Variants in NEIL3 observed in about 807,000 individuals in gnomAD.
NEIL3 encodes endonuclease 8-like 3.
Under a neutral mutation model 57.5 loss-of-function variants are expected in NEIL3, and 48 were observed. The ratio of observed to expected loss-of-function variants is 0.83; its 90% CI spans 0.66 to 1.06. NEIL3 has a LOEUF of 1.06. Among genes scored for constraint, NEIL3 ranks in the 50% least tolerant of loss-of-function variants. The pLI, the probability that NEIL3 is intolerant of heterozygous loss-of-function variation, is 0.00. For synonymous variants in NEIL3, 261 were observed against 253.2 expected (o/e 1.03, Z -0.29); for missense variants, 717 against 739.1 (o/e 0.97, Z 0.35).
chr4:177,317,230 C>G (rs528234265), intron 1 of NEIL3, among the ~76,000 whole-genome samples: 1 of 152,218 alleles, frequency 6.6e-6, no homozygotes, highest in African/African-American at 2.4e-5. Context: ...TTTTAAAGAT[C>G]ATATTGTATG....
At chr4:177,369,726 C>T in the NEIL3 span, among the ~76,000 whole-genome samples, 1 of 152,260 alleles carries the variant, frequency 6.6e-6, no homozygotes, top group South Asian at 2.1e-4. Context: ...TGACCTTGAC[C>T]ATACGACCTC....
intron 2 of NEIL3, among the ~76,000 whole-genome samples, chr4:177,324,515 T>C (rs985957868): frequency 1.3e-5 from 2 of 152,072 alleles, no homozygotes; most frequent in African/African-American, 4.8e-5. Context: ...AATTAGAGAG[T>C]GATTACTTCT....
At chr4:177,312,551 T>C (rs17064599) in intron 1 of NEIL3, among the ~76,000 whole-genome samples, 3,821 of 152,304 alleles carry the variant, frequency 0.025, 152 homozygotes, top group African/African-American at 0.081. Flanking sequence ...CATGTTTGGA[T>C]TGCACAAAAG....
At chr4:177,368,128 C>A in the NEIL3 span, among the ~76,000 whole-genome samples, 1 of 152,008 alleles carries the variant, frequency 6.6e-6, no homozygotes, top group African/African-American at 2.4e-5. Flanking sequence ...GTACAAATAT[C>A]TAAGAGTCAT....
intron 2 of NEIL3, among the ~76,000 whole-genome samples, chr4:177,331,396 G>A (rs1456439922): frequency 6.6e-6 from 1 of 151,218 alleles, no homozygotes; most frequent in Non-Finnish European, 1.5e-5. Context: ...TATCACACCT[G>A]TTCATGTGCC....
intron 2 of NEIL3, among the ~76,000 whole-genome samples, chr4:177,324,911 T>C (rs914847676): frequency 4.6e-5 from 7 of 152,000 alleles, no homozygotes; most frequent in African/African-American, 9.7e-5. Context: ...TTAATCAAAA[T>C]GGACATAGCT....
chr4:177,347,001 C>CAA (rs11323162), intron 6 of NEIL3, among the ~76,000 whole-genome samples: 11 of 123,402 alleles, frequency 8.9e-5, no homozygotes, highest in African/African-American at 2.1e-4. Flanking sequence ...GACTCCGTCT[C>CAA]AAAAAAAAAA....
At chr4:177,312,923 G>C (rs1734503787) in intron 1 of NEIL3, among the ~76,000 whole-genome samples, 1 of 151,940 alleles carries the variant, frequency 6.6e-6, no homozygotes, top group South Asian at 2.1e-4. Flanking sequence ...GCATTTTAGA[G>C]GGATCCATAG....
intron 4 of NEIL3, 120 bp downstream of exon 4, chr4:177,336,441 T>C (rs1179347373): frequency 1.4e-6 from 1 of 737,508 alleles, no homozygotes; most frequent in Admixed American, 2.8e-5. Context: ...GGTGTCCCGC[T>C]TCCCATTTCT....
At chr4:177,363,857 C>T (rs930139595), downstream of NEIL3, among the ~76,000 whole-genome samples, 6 of 152,064 alleles carry the variant, frequency 3.9e-5, no homozygotes, top group East Asian at 1.9e-4. Context: ...CTCAAGCGAT[C>T]CCCTAGCCTC....
chr4:177,313,223 C>CA (rs1286540678), intron 1 of NEIL3, among the ~76,000 whole-genome samples: 1 of 151,988 alleles, frequency 6.6e-6, no homozygotes, highest in Non-Finnish European at 1.5e-5. Context: ...ATAATCATAC[C>CA]AAAAAACAAA....
intron 7 of NEIL3, 101 bp from the exon 8 acceptor site, chr4:177,353,207 A>T: frequency 1.0e-6 from 1 of 989,470 alleles, no homozygotes; most frequent in East Asian, 2.5e-5. Context: ...GTTCACTGTA[A>T]TAAAGTGAAG....
chr4:177,310,079 C>T lies in NEIL3; in HGVS notation c.126C>T (p.Leu42=). 1 of 1,596,394 alleles carries T rather than the reference C, an allele frequency of 6.3e-7. No individual in the cohort carries two copies. Among genetic ancestry groups the T allele is most frequent in the Non-Finnish European group, 8.5e-7 (1 of 1,172,816 alleles). The change falls in exon 1 of 10, where the codon CTC becomes CTT. Residue 42 remains leucine (L), a synonymous_variant. Coordinates refer to ENST00000264596, the MANE Select transcript of NEIL3 (RefSeq NM_018248.3). ...LRSLQGRALR[L]AASTVVVSPQ... ...GTCTGCAGGGCCGCGCCTTGCGGCTCGCAGCCTCCACGGTTGTGGTCTCCC... is the reference window on the plus strand; with the variant it reads ...GTCTGCAGGGCCGCGCCTTGCGGCTTGCAGCCTCCACGGTTGTGGTCTCCC...
intron 6 of NEIL3, among the ~76,000 whole-genome samples, chr4:177,345,603 G>C (rs1451583382): frequency 6.6e-6 from 1 of 150,872 alleles, no homozygotes; most frequent in African/African-American, 2.4e-5. Flanking sequence ...GGATGGTCTC[G>C]ATCTCTTGGC....
At chr4:177,327,584 T>C (rs887355019) in intron 2 of NEIL3, among the ~76,000 whole-genome samples, 2 of 152,180 alleles carry the variant, frequency 1.3e-5, no homozygotes, top group African/African-American at 4.8e-5. Context: ...TCCCTCTCCT[T>C]GTCCCCCACA....
intron 1 of NEIL3, among the ~76,000 whole-genome samples, chr4:177,312,563 G>A (rs1003013005): frequency 6.6e-5 from 10 of 152,130 alleles, no homozygotes; most frequent in Admixed American, 5.9e-4. Context: ...GCACAAAAGA[G>A]TGCAGCCTGA....
chr4:177,326,001 C>A (rs1277924803), intron 2 of NEIL3, among the ~76,000 whole-genome samples: 1 of 152,062 alleles, frequency 6.6e-6, no homozygotes, highest in Non-Finnish European at 1.5e-5. Context: ...CTTTTCTCTT[C>A]ATTTTCTTAA....
intron 2 of NEIL3, among the ~76,000 whole-genome samples, chr4:177,325,193 A>C (rs1316341594): frequency 6.6e-6 from 1 of 152,170 alleles, no homozygotes; most frequent in Non-Finnish European, 1.5e-5. Context: ...TGCAAGAGAT[A>C]ATATAATGAT....
chr4:177,362,599 T>C lies in NEIL3; in HGVS notation c.*128T>C. ...AGTTACTGCAATATTTGAGAACTGT[T>C]CTTTTTTTTTCTTGTGTGTGCCATC... On this transcript the variant is annotated 3_prime_UTR_variant, in exon 10 of 10. Transcript: ENST00000264596. 1.5e-6 allele frequency: 1 copy of C among 684,154 alleles called. No homozygotes were observed. The allele number at this position is 684,154 out of a possible 1,614,324, so 42.4% of individuals were successfully genotyped here.
Sources: gnomAD v4.1 joint callset for allele counts (sites outside exome capture counted in the v4.1 genomes callset) on GRCh38, gnomAD v4.1.1 for gene constraint, MANE v1.5 for transcripts, NCBI Gene and HGNC (gene_info 2026-07-23, HGNC 2026-07-21) for gene names.